Variants in ASPSCR1 observed in about 807,000 individuals in gnomAD.
ASPSCR1 encodes tether containing UBX domain for GLUT4.
ASPSCR1 carries 55 observed loss-of-function variants against 68.9 expected under a neutral mutation model. The ratio of observed to expected loss-of-function variants is 0.80; its 90% CI spans 0.64 to 1.00. ASPSCR1 has a LOEUF of 1.00. Ranked by LOEUF, ASPSCR1 falls within the 50% of genes least tolerant of loss-of-function variation. The pLI is 0.00. For missense variants in ASPSCR1, 765 were observed against 762.2 expected (o/e 1.00, Z -0.04); for synonymous variants, 352 against 332.6 (o/e 1.06, Z -0.63).
chr17:81,999,393 G>A lies in ASPSCR1; in HGVS notation c.933+2547G>A, dbSNP rs1476100083. On this transcript the variant is annotated intron_variant, in intron 7 of 15. Coordinates refer to ENST00000306739, the MANE Select transcript of ASPSCR1 (RefSeq NM_024083.4). The surrounding 1 kb of genome is among the most constrained non-coding windows in gnomAD (Gnocchi z 4.4). ...TGTAATCCCAGCAGTTTGGGAGACCGAGGTGGGCAGATCACCTGAGGTCAG... is the reference window on the plus strand; with the variant it reads ...TGTAATCCCAGCAGTTTGGGAGACCAAGGTGGGCAGATCACCTGAGGTCAG... Among the ~76,000 whole-genome samples the A allele has an allele frequency of 1.3e-5, 2 of 152,200 alleles. No homozygotes were observed. The highest frequency in any genetic ancestry group is 4.8e-5 in the African/African-American group (2 of 41,448).
At position 81,999,261 on chromosome 17, in the gene ASPSCR1, T is replaced by G. The variant is rs779440611; in HGVS notation, c.933+2415T>G. On this transcript the variant is annotated intron_variant, in intron 7 of 15. Transcript: ENST00000306739. The surrounding 1 kb of genome is among the most constrained non-coding windows in gnomAD (Gnocchi z 4.4). ...CACAGCCCAGGGGCCAGGTCAGAGC[T>G]TCTTGAGCTCCTGCTGACGTAGTGG... is the stretch of plus-strand genomic sequence containing the variant. Among the ~76,000 whole-genome samples, 9 of 152,216 alleles carry G rather than the reference T, an allele frequency of 5.9e-5. No individual in the cohort carries two copies. Among genetic ancestry groups the G allele is most frequent in the Admixed American group, 2.6e-4 (4 of 15,290 alleles).
In ASPSCR1 at chr17:81,999,872, A is replaced by G. The variant is rs1425204955; in HGVS notation, c.933+3026A>G. The stretch of plus-strand genomic sequence containing the variant: ...CACCGTGTTGGATGTGGGGGCTCCC[A>G]TCTAGCCCGGCGTCAGGGTCCAGCC... On this transcript the variant is annotated intron_variant, in intron 7 of 15. Transcript: ENST00000306739. The surrounding 1 kb of genome is among the most constrained non-coding windows in gnomAD (Gnocchi z 4.4). Among the ~76,000 whole-genome samples, 1 of 152,126 alleles carries G rather than the reference A, an allele frequency of 6.6e-6. No homozygotes were observed. Among genetic ancestry groups the G allele is most frequent in the Admixed American group, 6.5e-5 (1 of 15,282 alleles).
At position 81,990,913 on chromosome 17, in the gene ASPSCR1, G is replaced by A. The variant is rs942188816; in HGVS notation, c.375-3908G>A. Among the ~76,000 whole-genome samples, 1 of 152,170 alleles carries A rather than the reference G, an allele frequency of 6.6e-6. No individual in the cohort carries two copies. The highest frequency in any genetic ancestry group is 2.4e-5 in the African/African-American group (1 of 41,430). On this transcript the variant is annotated intron_variant, in intron 4 of 15. Coordinates refer to ENST00000306739, the MANE Select transcript of ASPSCR1 (RefSeq NM_024083.4). This position sits in a 1 kb window ranked among gnomAD's most constrained non-coding sequence, Gnocchi z 4.1. ...ACTGTAGCACGTCTGGGCAGTCCAC[G>A]AGGGCAGGCGGGCGAGTCCCGTAGT...
In ASPSCR1 at chr17:81,990,811, C is replaced by T. The variant is rs1421320443; in HGVS notation, c.375-4010C>T. Among the ~76,000 whole-genome samples, 2 of 152,136 alleles carry T rather than the reference C, an allele frequency of 1.3e-5. No homozygotes were observed. Among genetic ancestry groups the T allele is most frequent in the African/African-American group, 4.8e-5 (2 of 41,422 alleles). On this transcript the variant is annotated intron_variant, in intron 4 of 15. Transcript: ENST00000306739. The surrounding 1 kb of genome is among the most constrained non-coding windows in gnomAD (Gnocchi z 4.1). ...TACAGATTGTTATGCTAACGGGTTT[C>T]CTATGAGGAGTTTCTCTCCATGGGT...
rs1397473898 is a variant in ASPSCR1, at chr17:81,990,507, G to A, written c.375-4314G>A. On this transcript the variant is annotated intron_variant, in intron 4 of 15. Transcript: ENST00000306739. The surrounding 1 kb of genome is among the most constrained non-coding windows in gnomAD (Gnocchi z 4.1). ...TGTGTCTGAGTTTGGGATCTTCCAC[G>A]CCGAGCTCTGGGGGACACTGCTCTC... Among the ~76,000 whole-genome samples the A allele has an allele frequency of 2.6e-5, 4 of 151,036 alleles. No individual in the cohort carries two copies. The highest frequency in any genetic ancestry group is 5.9e-5 in the Non-Finnish European group (4 of 67,804).
chr17:82,012,095 G>T, intron 11 of ASPSCR1, 136 bp from the exon 12 acceptor site: 1 of 1,060,136 alleles, frequency 9.4e-7, no homozygotes, highest in East Asian at 2.5e-5. Flanking sequence ...AGGAGTGTGG[G>T]CACAGGGCGT....
chr17:81,993,677 C>T (rs998326370), intron 4 of ASPSCR1, among the ~76,000 whole-genome samples: 3 of 152,258 alleles, frequency 2.0e-5, no homozygotes, highest in East Asian at 1.9e-4. Flanking sequence ...ATGTCTCGAC[C>T]TGGACACTGC....
intron 4 of ASPSCR1, among the ~76,000 whole-genome samples, chr17:81,988,185 G>A (rs1249768817): frequency 1.6e-4 from 24 of 151,438 alleles, no homozygotes; most frequent in African/African-American, 5.8e-4. Flanking sequence ...AAGTGGCTGG[G>A]CGTGATGGCT....
chr17:82,015,596 G>A, intron 12 of ASPSCR1: 1 of 584,216 alleles, frequency 1.7e-6, no homozygotes, highest in Non-Finnish European at 3.0e-6. Flanking sequence ...GCAGCAGGTG[G>A]GATGCAGATG....
At position 81,985,598 on chromosome 17, in the gene ASPSCR1, C is replaced by T; in HGVS notation, c.365C>T (p.Pro122Leu). ...QTLWELLSHF[P>L]QIRECLQHPG... ...CTCTGGGAGCTTCTCAGCCATTTTCCACAGATCAGGTGAGCATCAGTGGGC... is the reference window on the plus strand; with the variant it reads ...CTCTGGGAGCTTCTCAGCCATTTTCTACAGATCAGGTGAGCATCAGTGGGC... Residue 122 changes from proline to leucine, a missense_variant, in exon 4 of 16, where the codon CCA (proline) becomes CTA (leucine). Pro to Leu is a moderately conservative substitution (Grantham distance 98, BLOSUM62 -3). Transcript: ENST00000306739. 6.2e-7 allele frequency: 1 copy of T among 1,613,848 alleles called. No homozygotes were observed. The highest frequency in any genetic ancestry group is 1.1e-5 in the South Asian group (1 of 91,088).
At chr17:81,981,705 G>A (rs943909992) in intron 2 of ASPSCR1, among the ~76,000 whole-genome samples, 3 of 152,172 alleles carry the variant, frequency 2.0e-5, no homozygotes, top group African/African-American at 7.2e-5. Flanking sequence ...GTCTTGCTCT[G>A]TCACCTAGGC....
intron 4 of ASPSCR1, among the ~76,000 whole-genome samples, chr17:81,989,682 G>A (rs980117518): frequency 6.6e-6 from 1 of 152,200 alleles, no homozygotes; most frequent in Non-Finnish European, 1.5e-5. Context: ...ACACTGCCAC[G>A]TGTTTGAAAC....
intron 3 of ASPSCR1, among the ~76,000 whole-genome samples, chr17:81,984,949 GCACACACCC>G (rs1325846882): frequency 7.8e-4 from 39 of 49,926 alleles, no homozygotes; most frequent in African/African-American, 3.0e-3. Flanking sequence ...GCACACACCC[GCACACACCC>G]CACACACCTG....
At position 81,999,139 on chromosome 17, in the gene ASPSCR1, G is replaced by A. The variant is rs2042447317; in HGVS notation, c.933+2293G>A. 6.6e-6 allele frequency among the ~76,000 whole-genome samples: 1 copy of A among 152,250 alleles called. No homozygotes were observed. Among genetic ancestry groups the A allele is most frequent in the African/African-American group, 2.4e-5 (1 of 41,476 alleles). On this transcript the variant is annotated intron_variant, in intron 7 of 15. Coordinates refer to ENST00000306739, the MANE Select transcript of ASPSCR1 (RefSeq NM_024083.4). This position sits in a 1 kb window ranked among gnomAD's most constrained non-coding sequence, Gnocchi z 4.4. The stretch of plus-strand genomic sequence containing the variant: ...TATGGGTTTTGTGCCAAAAGAGGCA[G>A]ACTGGGGGACTGTCATGCGGCTTTC...
intron 9 of ASPSCR1, chr17:82,010,121 C>T: frequency 3.4e-6 from 1 of 294,276 alleles, no homozygotes; most frequent in Non-Finnish European, 6.7e-6. Flanking sequence ...GGAGTTTTAC[C>T]ATGTTGGCCC....
chr17:81,985,117 C>CA (rs1396360287), intron 3 of ASPSCR1, among the ~76,000 whole-genome samples: 1 of 150,752 alleles, frequency 6.6e-6, no homozygotes, highest in Non-Finnish European at 1.5e-5. Flanking sequence ...CACACACCTG[C>CA]ATGTAAACAT....
chr17:81,987,555 G>T lies in ASPSCR1; in HGVS notation c.374+1948G>T, dbSNP rs1598394622. ...AGTCCTCAGATGGGGATGGAGGTAA[G>T]GAAATGGCCCAGAGTGGCCTGGGGC... On this transcript the variant is annotated intron_variant, in intron 4 of 15. Coordinates refer to ENST00000306739, the MANE Select transcript of ASPSCR1 (RefSeq NM_024083.4). This position sits in a 1 kb window ranked among gnomAD's most constrained non-coding sequence, Gnocchi z 5.6. Among the ~76,000 whole-genome samples the T allele has an allele frequency of 1.3e-5, 2 of 152,228 alleles. No individual in the cohort carries two copies. Among genetic ancestry groups the T allele is most frequent in the East Asian group, 1.9e-4 (1 of 5,200 alleles).
At chr17:81,994,034 T>C (rs763608928) in intron 4 of ASPSCR1, among the ~76,000 whole-genome samples, 2 of 151,476 alleles carry the variant, frequency 1.3e-5, no homozygotes, top group African/African-American at 4.9e-5. Flanking sequence ...CGGTGGGGAG[T>C]TGGAAACGCA....
chr17:82,008,875 C>A, intron 7 of ASPSCR1, 162 bp from the exon 8 acceptor site: 1 of 1,031,566 alleles, frequency 9.7e-7, no homozygotes, highest in Non-Finnish European at 1.3e-6. Flanking sequence ...GTGCCCAGCC[C>A]TGCCCCCAGG....
Sources: allele counts gnomAD v4.1 joint callset (sites outside exome capture counted in the v4.1 genomes callset), GRCh38; gene constraint gnomAD v4.1.1; non-coding constraint Gnocchi (gnomAD v3.1); transcripts MANE v1.5; gene names NCBI Gene and HGNC (gene_info 2026-07-23, HGNC 2026-07-21).